ZAP70: variants seen among roughly 807,000 people sequenced by gnomAD.
The protein encoded by ZAP70 is tyrosine-protein kinase ZAP-70.
Under a neutral mutation model 65.8 loss-of-function variants are expected in ZAP70, and 27 were observed. The observed-to-expected ratio is 0.41, with a 90% CI of 0.30 to 0.57. The LOEUF is 0.57. Ranked by LOEUF, ZAP70 falls within the 20% of genes least tolerant of loss-of-function variation. The pLI is 0.28. For synonymous variants in ZAP70, 363 were observed against 360.8 expected (o/e 1.01, Z -0.07); for missense variants, 696 against 870.5 (o/e 0.80, Z 2.52).
rs2104634702 is a variant in ZAP70, at chr2:97,715,591, T to C, written c.-22+1597T>C. Among the ~76,000 whole-genome samples, 1 of 152,308 alleles carries C rather than the reference T, an allele frequency of 6.6e-6. No homozygotes were observed. The highest frequency in any genetic ancestry group is 2.1e-4 in the South Asian group (1 of 4,824). On this transcript the variant is annotated intron_variant, in intron 2 of 13. Transcript: ENST00000264972. This position sits in a 1 kb window ranked among gnomAD's most constrained non-coding sequence, Gnocchi z 4.1. ...TGTGCTGGGTTGGGGAATCTGACCC[T>C]GACCCCGCACCAGCCCAGCTCTCCA...
Position 97,734,612 on chromosome 2 carries a change from A to G in ZAP70, c.982A>G (p.Lys328Glu). The change falls in exon 9 of 14, where the codon AAG becomes GAG. Residue 328 changes from lysine to glutamate, a missense_variant. By Grantham distance (56) the Lys-to-Glu change is moderately conservative (BLOSUM62 1). Coordinates refer to ENST00000264972, the MANE Select transcript of ZAP70 (RefSeq NM_001079.4). ...CAGCGACCCAGAGGAGCTCAAGGAC[A>G]AGAAGCTCTTCCTGAAGCGCGATAA... ...PYSDPEELKD[K>E]KLFLKRDNLL... 6.2e-7 allele frequency: 1 copy of G among 1,614,238 alleles called. No homozygotes were observed. Among genetic ancestry groups the G allele is most frequent in the Non-Finnish European group, 8.5e-7 (1 of 1,180,032 alleles).
chr2:97,754,453 A>G, the ZAP70 span, among the ~76,000 whole-genome samples: 2 of 151,758 alleles, frequency 1.3e-5, no homozygotes, highest in Non-Finnish European at 2.9e-5. Flanking sequence ...TCCAGGCTGG[A>G]GTGCAGTGGT....
chr2:97,721,614 A>G (rs1222637204), intron 2 of ZAP70, among the ~76,000 whole-genome samples: 7 of 27,306 alleles, frequency 2.6e-4, no homozygotes, highest in Admixed American at 1.2e-3. Context: ...TTGTATTTTT[A>G]GTAGAGACAG....
intron 2 of ZAP70, among the ~76,000 whole-genome samples, chr2:97,720,890 A>G (rs2104651560): frequency 6.6e-6 from 1 of 152,294 alleles, no homozygotes; most frequent in African/African-American, 2.4e-5. Flanking sequence ...TTCCCATTCC[A>G]GTACCTTCCT....
intron 4 of ZAP70, among the ~76,000 whole-genome samples, chr2:97,728,240 G>T (rs909579724): frequency 3.9e-5 from 6 of 152,228 alleles, no homozygotes; most frequent in Non-Finnish European, 8.8e-5. Flanking sequence ...TATCAAACTG[G>T]CGTGCAGTCT....
At chr2:97,734,480 C>T in intron 8 of ZAP70, 40 bp from the exon 9 acceptor site, 1 of 1,591,900 alleles carries the variant, frequency 6.3e-7, no homozygotes, top group African/African-American at 1.3e-5. Flanking sequence ...TCCCCACACC[C>T]CTGCCCCTGA....
intron 2 of ZAP70, among the ~76,000 whole-genome samples, chr2:97,717,403 G>GGAGCCTCT (rs754536375): frequency 2.7e-5 from 4 of 146,802 alleles, no homozygotes; most frequent in African/African-American, 1.0e-4. Context: ...GGGGACATGC[G>GGAGCCTCT]GAGCCTCTGA....
the ZAP70 span, among the ~76,000 whole-genome samples, chr2:97,752,021 G>A: frequency 1.3e-5 from 2 of 152,214 alleles, no homozygotes; most frequent in Non-Finnish European, 2.9e-5. Context: ...GGAAAAAGGA[G>A]TATCTCTGTC....
At chr2:97,735,182 G>A in intron 9 of ZAP70, 68 bp from the exon 10 acceptor site, 1 of 1,569,832 alleles carries the variant, frequency 6.4e-7, no homozygotes, top group East Asian at 2.2e-5. Context: ...AGATGGGTGG[G>A]TGGGGGTGTG....
chr2:97,724,703 C>A, intron 3 of ZAP70: 13 of 1,516,360 alleles, frequency 8.6e-6, no homozygotes, highest in Non-Finnish European at 1.1e-5. Context: ...ACGCACTGGG[C>A]CGGGCGAAGG....
At chr2:97,718,268 G>T (rs1314791522) in intron 2 of ZAP70, among the ~76,000 whole-genome samples, 1 of 152,184 alleles carries the variant, frequency 6.6e-6, no homozygotes, top group Non-Finnish European at 1.5e-5. Context: ...CCTGCCTGGG[G>T]TCTGGGGTCA....
chr2:97,732,738 GC>G, intron 4 of ZAP70, 144 bp from the exon 5 acceptor site: 1 of 1,189,280 alleles, frequency 8.4e-7, no homozygotes, highest in Non-Finnish European at 1.2e-6. Flanking sequence ...GGTGATGGGG[GC>G]CTGGCCTGGC....
At chr2:97,716,339 AC>A (rs373533047) in intron 2 of ZAP70, among the ~76,000 whole-genome samples, 1 of 152,046 alleles carries the variant, frequency 6.6e-6, no homozygotes, top group African/African-American at 2.4e-5. Context: ...TATATTGAGC[AC>A]CTCCTCTGTG....
intron 13 of ZAP70, chr2:97,738,353 C>A: frequency 5.3e-6 from 3 of 569,846 alleles, no homozygotes; most frequent in Non-Finnish European, 9.5e-6. Context: ...CATCTAAAAC[C>A]TCAGCCATCA....
intron 4 of ZAP70, 95 bp downstream of exon 4, chr2:97,725,347 T>C: frequency 6.7e-7 from 1 of 1,493,086 alleles, no homozygotes; most frequent in South Asian, 1.2e-5. Context: ...AGTTGGGCCG[T>C]AAGGGTGTCC....
chr2:97,721,632 CTG>C (rs1677161985), intron 2 of ZAP70, among the ~76,000 whole-genome samples: 2 of 128,780 alleles, frequency 1.6e-5, no homozygotes, highest in Admixed American at 1.8e-4. Flanking sequence ...CAGGGTTTCA[CTG>C]TGTTAGCCAG....
chr2:97,720,482 G>A (rs1449546308), intron 2 of ZAP70, among the ~76,000 whole-genome samples: 3 of 151,616 alleles, frequency 2.0e-5, no homozygotes, highest in African/African-American at 4.8e-5. Flanking sequence ...CGCCTGCCTC[G>A]GCCTCCCAAA....
chr2:97,722,223 G>C (rs1224123124), intron 2 of ZAP70, among the ~76,000 whole-genome samples: 1 of 152,124 alleles, frequency 6.6e-6, no homozygotes, highest in Non-Finnish European at 1.5e-5. Flanking sequence ...TGGGATTACA[G>C]GTGCCCGCCA....
rs200018109 is a variant in ZAP70 at position 97,733,218 on chromosome 2, G to A, written c.790+6G>A. 5.0e-5 allele frequency: 80 copies of A among 1,612,518 alleles called. 1 individual carries two copies. The East Asian group carries it at 1.7e-3, about 35-fold the overall frequency. On this transcript the variant is annotated splice_donor_region_variant and intron_variant, in intron 6 of 13. Coordinates refer to ENST00000264972, the MANE Select transcript of ZAP70 (RefSeq NM_001079.4). Reference sequence around the variant, plus strand: ...CAGTGCCAGCAACGCCTCAGGTGACGGCAGCAGGCGGGCGGGCGGTGGGCG... The same window carrying A: ...CAGTGCCAGCAACGCCTCAGGTGACAGCAGCAGGCGGGCGGGCGGTGGGCG...
Sources: gnomAD v4.1 joint callset for allele counts (sites outside exome capture counted in the v4.1 genomes callset) on GRCh38, gnomAD v4.1.1 for gene constraint, Gnocchi (gnomAD v3.1) non-coding constraint, MANE v1.5 for transcripts, NCBI Gene and HGNC (gene_info 2026-07-23, HGNC 2026-07-21) for gene names.